Variants in GPC5 observed in about 807,000 individuals in gnomAD.
The protein encoded by GPC5 is glypican 5, also known as glypican-5.
A neutral mutation model predicts 53.9 loss-of-function variants in GPC5; 47 were observed. That is an observed-to-expected ratio of 0.87 (90% CI 0.69 to 1.11). The LOEUF (loss-of-function observed/expected upper bound fraction) is 1.11, where lower values mean the gene tolerates loss of function less well. Ranked by LOEUF, GPC5 falls within the 50% of genes most tolerant of loss-of-function variation. The probability of loss-of-function intolerance (pLI) is 0.00; values close to 1 mark genes in which losing one functional copy is unlikely to be tolerated. For missense variants in GPC5, 748 were observed against 713.1 expected, an observed-to-expected ratio of 1.05 and a Z score of -0.56; for synonymous variants, 286 against 263.3, an observed-to-expected ratio of 1.09 and a Z score of -0.84.
At chr13:92,612,406 A>ATCT (rs1464170107) in intron 7 of GPC5, among the ~76,000 whole-genome samples, 1 of 152,116 alleles carries the variant, frequency 6.6e-6, no homozygotes, top group African/African-American at 2.4e-5. Flanking sequence ...TCTTAACATT[A>ATCT]TCTTCTTCTG....
chr13:91,481,747 A>G (rs183311900), intron 2 of GPC5, among the ~76,000 whole-genome samples: 3 of 152,278 alleles, frequency 2.0e-5, no homozygotes, highest in African/African-American at 7.2e-5. Context: ...TCTGGGTTGA[A>G]TGGTCACCTA....
chr13:91,445,358 A>G (rs1371072678), intron 1 of GPC5, among the ~76,000 whole-genome samples: 1 of 152,176 alleles, frequency 6.6e-6, no homozygotes. Flanking sequence ...ACGCATAGAC[A>G]GCGGAGATCT....
At chr13:92,140,288 C>T (rs1224287920) in intron 6 of GPC5, among the ~76,000 whole-genome samples, 2 of 152,130 alleles carry the variant, frequency 1.3e-5, no homozygotes, top group African/African-American at 2.4e-5. Flanking sequence ...TAGCGGGGAG[C>T]TGTGTTTAGA....
intron 7 of GPC5, among the ~76,000 whole-genome samples, chr13:92,381,857 GAT>G: frequency 1.8e-5 from 1 of 56,132 alleles, no homozygotes; most frequent in East Asian, 7.4e-4. Context: ...GATCATATAT[GAT>G]TATATATATC....
intron 7 of GPC5, among the ~76,000 whole-genome samples, chr13:92,230,362 G>T (rs1420322612): frequency 6.6e-6 from 1 of 152,212 alleles, no homozygotes; most frequent in South Asian, 2.1e-4. Context: ...TAGTCATATT[G>T]TATGTAATAC....
intron 5 of GPC5, among the ~76,000 whole-genome samples, chr13:91,806,462 TA>T (rs1031234946): frequency 1.3e-5 from 2 of 151,526 alleles, no homozygotes; most frequent in Non-Finnish European, 2.9e-5. Flanking sequence ...TTTAACGCAA[TA>T]AAAAACCATT....
chr13:92,274,511 C>T (rs1222524881), intron 7 of GPC5, among the ~76,000 whole-genome samples: 2 of 152,128 alleles, frequency 1.3e-5, no homozygotes, highest in Non-Finnish European at 2.9e-5. Flanking sequence ...AAACTCCATT[C>T]TCTGGATTTG....
At chr13:92,257,701 C>T (rs1015732004) in intron 7 of GPC5, among the ~76,000 whole-genome samples, 2 of 151,670 alleles carry the variant, frequency 1.3e-5, no homozygotes, top group Admixed American at 1.3e-4. Context: ...CAGGTGGGCA[C>T]CACCACACCC....
chr13:91,781,089 G>T (rs768884297), intron 5 of GPC5, among the ~76,000 whole-genome samples: 3 of 152,206 alleles, frequency 2.0e-5, no homozygotes, highest in Non-Finnish European at 4.4e-5. Context: ...CTGACTTGCT[G>T]TGGCCTACAA....
intron 7 of GPC5, among the ~76,000 whole-genome samples, chr13:92,517,526 T>C (rs1030085592): frequency 6.6e-6 from 1 of 152,108 alleles, no homozygotes; most frequent in Non-Finnish European, 1.5e-5. Flanking sequence ...TTTGCTGTTA[T>C]ATTCGCTGTT....
chr13:92,152,981 G>A (rs2041918307), intron 7 of GPC5, among the ~76,000 whole-genome samples: 1 of 152,040 alleles, frequency 6.6e-6, no homozygotes, highest in African/African-American at 2.4e-5. Flanking sequence ...AACAGTATGT[G>A]CATGCTTAAA....
intron 2 of GPC5, among the ~76,000 whole-genome samples, chr13:91,458,980 G>A (rs1881742990): frequency 1.3e-5 from 2 of 152,026 alleles, no homozygotes; most frequent in Admixed American, 6.6e-5. Context: ...AACATCGTAT[G>A]TTCTCACTGA....
intron 7 of GPC5, among the ~76,000 whole-genome samples, chr13:92,347,864 T>TATATTATATATAATATAATATATA (rs1491202059): frequency 2.4e-4 from 2 of 8,482 alleles, no homozygotes; most frequent in Non-Finnish European, 3.6e-4. Flanking sequence ...CATATATATA[T>TATATTATATATAATATAATATATA]TATATATATA....
At chr13:92,545,234 A>C (rs987027457) in intron 7 of GPC5, among the ~76,000 whole-genome samples, 1 of 152,058 alleles carries the variant, frequency 6.6e-6, no homozygotes, top group Non-Finnish European at 1.5e-5. Context: ...CCATGTCCCT[A>C]CAAAGGACAT....
intron 7 of GPC5, among the ~76,000 whole-genome samples, chr13:92,618,232 A>G (rs1419775840): frequency 1.3e-5 from 2 of 152,116 alleles, no homozygotes; most frequent in Non-Finnish European, 2.9e-5. Flanking sequence ...GATTTTATTG[A>G]CATATGTCTT....
chr13:91,975,848 C>A (rs920424250), intron 6 of GPC5, among the ~76,000 whole-genome samples: 20 of 152,262 alleles, frequency 1.3e-4, no homozygotes, highest in African/African-American at 4.6e-4. Flanking sequence ...ACTATTCACA[C>A]TAGCAAAGAC....
At chr13:92,217,602 G>A (rs934477364) in intron 7 of GPC5, among the ~76,000 whole-genome samples, 6 of 152,180 alleles carry the variant, frequency 3.9e-5, no homozygotes, top group African/African-American at 1.2e-4. Context: ...GTGGAGCCCC[G>A]TGTCTCCGCC....
intron 6 of GPC5, among the ~76,000 whole-genome samples, chr13:92,110,272 A>G (rs1367443513): frequency 1.3e-5 from 2 of 152,122 alleles, no homozygotes; most frequent in Non-Finnish European, 2.9e-5. Flanking sequence ...GGGAATTTTT[A>G]CTCATTTTCA....
At chr13:92,171,831 A>G (rs1366729984) in intron 7 of GPC5, among the ~76,000 whole-genome samples, 2 of 152,294 alleles carry the variant, frequency 1.3e-5, no homozygotes, top group Admixed American at 6.5e-5. Context: ...TGCCACATCC[A>G]TAACTGAGCT....
Sources: allele counts gnomAD v4.1 joint callset (sites outside exome capture counted in the v4.1 genomes callset), GRCh38; gene constraint gnomAD v4.1.1; transcripts MANE v1.5; gene names NCBI Gene and HGNC (gene_info 2026-07-23, HGNC 2026-07-21).